The following PTPRD variants were observed in gnomAD, a reference collection of about 807,000 sequenced individuals.
PTPRD encodes receptor-type tyrosine-protein phosphatase delta.
A neutral mutation model predicts 214.5 loss-of-function variants in PTPRD; 34 were observed. The observed-to-expected ratio is 0.16, with a 90% confidence interval of 0.12 to 0.21. The LOEUF is 0.21. PTPRD is among the 10% of genes least tolerant of loss of function. The pLI, the probability that PTPRD is intolerant of heterozygous loss-of-function variation, is 1.00. For missense variants in PTPRD, 2,545 were observed against 2,398.7 expected (o/e 1.06, Z -1.27); for synonymous variants, 1,128 against 845.7 (o/e 1.33, Z -5.79).
chr9:8,709,979 C>G (rs1408959639), intron 12 of PTPRD, among the ~76,000 whole-genome samples: 2 of 152,138 alleles, frequency 1.3e-5, no homozygotes, highest in Admixed American at 6.5e-5. Context: ...GAACAAACAG[C>G]GAACAACTAC....
intron 10 of PTPRD, among the ~76,000 whole-genome samples, chr9:9,041,244 A>C (rs2099638721): frequency 6.6e-6 from 1 of 152,134 alleles, no homozygotes; most frequent in African/African-American, 2.4e-5. Flanking sequence ...TCAGGGGTAC[A>C]GGTGCGGGTT....
intron 10 of PTPRD, among the ~76,000 whole-genome samples, chr9:9,020,767 A>G (rs62531092): frequency 0.29 from 44,692 of 152,056 alleles, 7,661 homozygotes; most frequent in Non-Finnish European, 0.39. Flanking sequence ...AATTGCCAGC[A>G]TATATCTAAG....
intron 14 of PTPRD, among the ~76,000 whole-genome samples, chr9:8,600,968 T>A (rs1277155899): frequency 2.0e-5 from 3 of 151,852 alleles, no homozygotes; most frequent in Admixed American, 6.6e-5. Context: ...GCTCTCCGGG[T>A]CCCCAGCATC....
intron 14 of PTPRD, among the ~76,000 whole-genome samples, chr9:8,531,313 T>C (rs115485538): frequency 6.6e-6 from 1 of 152,212 alleles, no homozygotes; most frequent in African/African-American, 2.4e-5. Flanking sequence ...CATCAGGCTG[T>C]TCTTTATGGC....
intron 2 of PTPRD, among the ~76,000 whole-genome samples, chr9:10,606,355 C>G (rs1434802283): frequency 6.6e-6 from 1 of 151,886 alleles, no homozygotes; most frequent in East Asian, 1.9e-4. Context: ...TCCTTTTCCA[C>G]TGAGTAGAAT....
chr9:8,379,563 T>C (rs1019622525), intron 37 of PTPRD, among the ~76,000 whole-genome samples: 4 of 152,212 alleles, frequency 2.6e-5, no homozygotes, highest in Admixed American at 6.6e-5. Context: ...TCTTTCCTCA[T>C]TAGCCAGTAT....
chr9:10,545,312 C>T (rs142732285), intron 2 of PTPRD, among the ~76,000 whole-genome samples: 199 of 152,240 alleles, frequency 1.3e-3, no homozygotes, highest in African/African-American at 4.5e-3. Context: ...TCATAGCCTA[C>T]CATGAAGATG....
intron 8 of PTPRD, among the ~76,000 whole-genome samples, chr9:9,524,671 G>T (rs113081640): frequency 1.3e-5 from 2 of 152,204 alleles, no homozygotes; most frequent in African/African-American, 4.8e-5. Flanking sequence ...TATCCTTAAC[G>T]TATAGTCATT....
chr9:10,236,629 A>G (rs10958969), intron 3 of PTPRD, among the ~76,000 whole-genome samples: 3,969 of 151,976 alleles, frequency 0.026, 61 homozygotes, highest in Non-Finnish European at 0.04. Flanking sequence ...TATATGGTGG[A>G]TCATTCTGCA....
intron 26 of PTPRD, among the ~76,000 whole-genome samples, chr9:8,493,227 G>C (rs1160293889): frequency 6.6e-6 from 1 of 152,196 alleles, no homozygotes; most frequent in Admixed American, 6.5e-5. Context: ...TCTGGAGCCA[G>C]ACTTCCTGAA....
intron 3 of PTPRD, among the ~76,000 whole-genome samples, chr9:10,182,392 G>T (rs905797609): frequency 5.3e-5 from 8 of 151,920 alleles, no homozygotes; most frequent in Non-Finnish European, 8.8e-5. Flanking sequence ...AATATACTTG[G>T]AATGTCTAAA....
chr9:9,783,034 T>G (rs954890483), intron 5 of PTPRD, among the ~76,000 whole-genome samples: 5 of 152,150 alleles, frequency 3.3e-5, no homozygotes, highest in African/African-American at 1.2e-4. Flanking sequence ...TTATTCTGCC[T>G]TTATATGTAT....
intron 4 of PTPRD, among the ~76,000 whole-genome samples, chr9:9,976,374 G>A (rs2095351560): frequency 1.3e-5 from 2 of 151,778 alleles, no homozygotes; most frequent in Non-Finnish European, 2.9e-5. Flanking sequence ...CATCATCCAG[G>A]TGATTAACTA....
intron 11 of PTPRD, among the ~76,000 whole-genome samples, chr9:8,970,742 T>C (rs540347406): frequency 1.3e-4 from 20 of 151,600 alleles, no homozygotes; most frequent in African/African-American, 4.8e-4. Flanking sequence ...AAACAGAAAA[T>C]CTAAGTTCAA....
At chr9:8,675,896 A>G (rs2097401932) in intron 12 of PTPRD, among the ~76,000 whole-genome samples, 1 of 152,180 alleles carries the variant, frequency 6.6e-6, no homozygotes. Context: ...TAAAGAACAT[A>G]TCCCATCATT....
At chr9:9,964,115 G>C (rs974607409) in intron 4 of PTPRD, among the ~76,000 whole-genome samples, 3 of 104,390 alleles carry the variant, frequency 2.9e-5, no homozygotes, top group Non-Finnish European at 4.6e-5. Context: ...GACAGAGAGA[G>C]ACAGATGCCT....
chr9:10,521,803 T>C (rs2052388136), intron 2 of PTPRD, among the ~76,000 whole-genome samples: 1 of 152,190 alleles, frequency 6.6e-6, no homozygotes, highest in Non-Finnish European at 1.5e-5. Context: ...AATAAAGGTA[T>C]GTACATTGTT....
At chr9:10,113,900 G>A (rs291296) in intron 3 of PTPRD, among the ~76,000 whole-genome samples, 65,370 of 151,936 alleles carry the variant, frequency 0.43, 14,985 homozygotes, top group Middle Eastern at 0.56. Context: ...TCTAGGATAC[G>A]GGATTCATTT....
At chr9:9,792,700 T>C (rs573612033) in intron 5 of PTPRD, among the ~76,000 whole-genome samples, 4 of 152,178 alleles carry the variant, frequency 2.6e-5, no homozygotes, top group Non-Finnish European at 5.9e-5. Flanking sequence ...TAAATCATAA[T>C]AGCTCATTGA....
Sources: gnomAD v4.1 joint callset for allele counts (sites outside exome capture counted in the v4.1 genomes callset) on GRCh38, gnomAD v4.1.1 for gene constraint, MANE v1.5 for transcripts, NCBI Gene and HGNC (gene_info 2026-07-23, HGNC 2026-07-21) for gene names.